AP3S2: variants seen among roughly 807,000 people sequenced by gnomAD.
The protein encoded by AP3S2 is AP-3 complex subunit sigma-2.
Under a neutral mutation model 23.4 loss-of-function variants are expected in AP3S2, and 22 were observed. The observed-to-expected ratio is 0.94, with a 90% CI of 0.67 to 1.34. The LOEUF (loss-of-function observed/expected upper bound fraction) is 1.34, where lower values mean the gene tolerates loss of function less well. Among genes scored for constraint, AP3S2 ranks in the 40% most tolerant of loss-of-function variants. The pLI is 0.00. For missense variants in AP3S2, 241 were observed against 236.9 expected (o/e 1.02, Z -0.11); for synonymous variants, 86 against 87.1 (o/e 0.99, Z 0.07).
At chr15:89,886,071 C>T (rs1281857838) in intron 3 of AP3S2, among the ~76,000 whole-genome samples, 1 of 151,820 alleles carries the variant, frequency 6.6e-6, no homozygotes, top group Admixed American at 6.6e-5. Flanking sequence ...AAGTTAGAGG[C>T]CGGGCGCAGT....
intron 3 of AP3S2, among the ~76,000 whole-genome samples, chr15:89,880,126 A>G (rs1896536508): frequency 6.6e-6 from 1 of 151,842 alleles, no homozygotes. Flanking sequence ...CTGGGTGACG[A>G]AGTGAGACTC....
rs186451305 is a variant in AP3S2 at position 89,890,751 on chromosome 15, T to C, written c.70-1611A>G. ...TAGGTTCAAGTAATTTTAATCCCTT[T>C]CTTTCTATAGCCCTGAATTTAGCTT... On this transcript the variant is annotated intron_variant, in intron 1 of 5. Coordinates refer to ENST00000336418, the MANE Select transcript of AP3S2 (RefSeq NM_005829.5). 1.6e-3 allele frequency among the ~76,000 whole-genome samples: 243 copies of C among 152,308 alleles called. 1 individual carries two copies. Among genetic ancestry groups the C allele is most frequent in the Non-Finnish European group, 3.7e-4 (25 of 68,036 alleles).
In AP3S2 at chr15:89,850,012, CT is replaced by C. The variant is rs550642137; in HGVS notation, c.346-12291del. 4.1e-3 allele frequency among the ~76,000 whole-genome samples: 617 copies of C among 152,178 alleles called. 3 individuals are homozygous for C. The highest frequency in any genetic ancestry group is 0.014 in the African/African-American group (579 of 41,524). On this transcript the variant is annotated intron_variant, in intron 4 of 5. Transcript: ENST00000336418. ...TCCCTGCAAAGGACATGAACTCATC[CT>C]TTTTTTATGGCTGCATAGTATTTCA... is the stretch of plus-strand genomic sequence containing the variant.
At chr15:89,878,778 G>A (rs1318057013) in intron 3 of AP3S2, among the ~76,000 whole-genome samples, 1 of 152,016 alleles carries the variant, frequency 6.6e-6, no homozygotes, top group Non-Finnish European at 1.5e-5. Flanking sequence ...AGGGTCTCTC[G>A]CTCTGTCACC....
At chr15:89,886,398 A>T (rs113442530) in intron 3 of AP3S2, 23 of 152,294 alleles carry the variant, frequency 1.5e-4, no homozygotes, top group African/African-American at 5.3e-4. Flanking sequence ...GTCTTTTTGT[A>T]TTGTTAATAC....
At chr15:89,891,485 C>T (rs1360898801) in intron 1 of AP3S2, among the ~76,000 whole-genome samples, 1 of 151,988 alleles carries the variant, frequency 6.6e-6, no homozygotes, top group Non-Finnish European at 1.5e-5. Context: ...ACAGCGAAAC[C>T]CCATCTCTAC....
intron 3 of AP3S2, chr15:89,886,519 T>A (rs1182280649): frequency 6.6e-6 from 1 of 152,186 alleles, no homozygotes; most frequent in Non-Finnish European, 1.5e-5. Context: ...TTGCATGTCA[T>A]CCTTGCATAG....
intron 1 of AP3S2, chr15:89,893,608 T>C: frequency 2.0e-6 from 1 of 501,084 alleles, no homozygotes; most frequent in Non-Finnish European, 3.5e-6. Context: ...CGCTTCTATC[T>C]CGTTCCCAGA....
chr15:89,866,261 CAAAAAAAA>C (rs368571089), intron 4 of AP3S2, among the ~76,000 whole-genome samples: 1 of 87,726 alleles, frequency 1.1e-5, no homozygotes, highest in Non-Finnish European at 2.1e-5. Flanking sequence ...GACTCCGTCT[CAAAAAAAA>C]AAAAAAAAAA....
chr15:89,846,651 C>T (rs1331963124), intron 4 of AP3S2, among the ~76,000 whole-genome samples: 2 of 152,142 alleles, frequency 1.3e-5, no homozygotes, highest in East Asian at 1.9e-4. Flanking sequence ...CTCAGCCTCC[C>T]GAGTAGCTGG....
intron 1 of AP3S2, chr15:89,889,426 A>C: frequency 3.0e-6 from 1 of 329,092 alleles, no homozygotes; most frequent in Non-Finnish European, 5.7e-6. Flanking sequence ...GAAAAGGAAC[A>C]TTGATAAACT....
intron 3 of AP3S2, among the ~76,000 whole-genome samples, chr15:89,880,319 A>G (rs1025497740): frequency 6.6e-6 from 1 of 152,214 alleles, no homozygotes; most frequent in African/African-American, 2.4e-5. Flanking sequence ...AAATAGTTAT[A>G]AATATCAGAG....
intron 4 of AP3S2, among the ~76,000 whole-genome samples, chr15:89,868,018 C>T: frequency 1.4e-5 from 2 of 142,276 alleles, no homozygotes; most frequent in South Asian, 2.3e-4. Context: ...CGGCCAGCCG[C>T]CCCGTCCAGG....
At chr15:89,873,528 C>G (rs1896369974) in intron 3 of AP3S2, among the ~76,000 whole-genome samples, 1 of 152,032 alleles carries the variant, frequency 6.6e-6, no homozygotes, top group Non-Finnish European at 1.5e-5. Flanking sequence ...TAAGTGATCC[C>G]CCTGTCTTGG....
In AP3S2 at chr15:89,832,486, ATTTTTTTTTTT is replaced by A. The variant is rs34112328; in HGVS notation, c.*3018_*3028del. ...CTAGTATTCTATACAACCTTAACCT[ATTTTTTTTTTT>A]TTTTTTTTTGAGACGGAGTCTTGCT... On this transcript the variant is annotated 3_prime_UTR_variant, in exon 6 of 6. Coordinates refer to ENST00000336418, the MANE Select transcript of AP3S2 (RefSeq NM_005829.5). The A allele has an allele frequency of 1.7e-5, 2 of 115,904 alleles. No individual in the cohort carries two copies. The highest frequency in any genetic ancestry group is 3.4e-5 in the Non-Finnish European group (2 of 58,558). 7.2% of individuals were successfully genotyped at this position (115,904 alleles called of 1,614,324 possible). A position where few individuals can be genotyped will look rare whatever the true frequency, so the allele number is the denominator to read the frequency against.
At chr15:89,867,607 G>A (rs1596207246) in intron 4 of AP3S2, among the ~76,000 whole-genome samples, 2 of 131,776 alleles carry the variant, frequency 1.5e-5, no homozygotes, top group African/African-American at 2.9e-5. Context: ...AGGAAGTGAG[G>A]AGCGTCTCTG....
intron 4 of AP3S2, among the ~76,000 whole-genome samples, chr15:89,840,630 G>A (rs1895305717): frequency 1.3e-5 from 2 of 152,126 alleles, no homozygotes; most frequent in African/African-American, 2.4e-5. Context: ...GTTTCCTCAT[G>A]TTGGCCAGGC....
intron 4 of AP3S2, among the ~76,000 whole-genome samples, chr15:89,871,260 T>C (rs1896312370): frequency 6.6e-6 from 1 of 152,210 alleles, no homozygotes; most frequent in Non-Finnish European, 1.5e-5. Context: ...ATAGGCCTAG[T>C]AATAATCTTA....
chr15:89,889,154 A>G lies in AP3S2; in HGVS notation c.70-14T>C. ...AATTTCTTCTGGCTATGAAACAAAA[A>G]GATAAGTGAATCAGTGGGCAAGCCT... On this transcript the variant is annotated splice_polypyrimidine_tract_variant and intron_variant, in intron 1 of 5. Transcript: ENST00000336418. 6.2e-7 allele frequency: 1 copy of G among 1,614,134 alleles called. No homozygotes were observed. Among genetic ancestry groups the G allele is most frequent in the Non-Finnish European group, 8.5e-7 (1 of 1,179,984 alleles).
Sources: gnomAD v4.1 joint callset for allele counts (sites outside exome capture counted in the v4.1 genomes callset) on GRCh38, gnomAD v4.1.1 for gene constraint, MANE v1.5 for transcripts, NCBI Gene and HGNC (gene_info 2026-07-23, HGNC 2026-07-21) for gene names.